The following GABRG3 variants were observed in gnomAD, a reference collection of about 807,000 sequenced individuals.
GABRG3 encodes gamma-aminobutyric acid receptor subunit gamma-3.
A neutral mutation model predicts 48.8 loss-of-function variants in GABRG3; 25 were observed. The ratio of observed to expected loss-of-function variants is 0.51; its 90% CI spans 0.37 to 0.72. GABRG3 has a LOEUF of 0.72. GABRG3 is among the 30% of genes least tolerant of loss of function. GABRG3 has a pLI of 0.00. For missense variants in GABRG3, 394 were observed against 577.9 expected (o/e 0.68, Z 3.26); for synonymous variants, 227 against 217.6 (o/e 1.04, Z -0.38).
intron 3 of GABRG3, among the ~76,000 whole-genome samples, chr15:27,167,365 G>A (rs1465219028): frequency 6.6e-6 from 1 of 152,176 alleles, no homozygotes; most frequent in Non-Finnish European, 1.5e-5. Flanking sequence ...GAGAAAGGCA[G>A]GGTGGACATT....
chr15:27,381,666 G>A (rs574243728), intron 5 of GABRG3, among the ~76,000 whole-genome samples: 47 of 152,296 alleles, frequency 3.1e-4, no homozygotes, highest in African/African-American at 1.1e-3. Flanking sequence ...GATCTAAGAC[G>A]AGTTTTTGAT....
Position 27,072,933 on chromosome 15 carries a change from C to A in GABRG3, c.270+46112C>A, listed in dbSNP as rs572072109. Among the ~76,000 whole-genome samples the A allele has an allele frequency of 1.0e-3, 152 of 152,320 alleles. 1 individual carries two copies. Among genetic ancestry groups the A allele is most frequent in the Admixed American group, 3.3e-3 (50 of 15,306 alleles). On this transcript the variant is annotated intron_variant, in intron 3 of 9. Transcript: ENST00000615808. ...TGCCACAGCCCACTGCTCTGGCCAG[C>A]AGATAGTCAGACTGACCCTATTTTC...
chr15:27,363,003 A>G (rs2140548201), intron 5 of GABRG3: 1 of 152,350 alleles, frequency 6.6e-6, no homozygotes, highest in East Asian at 1.9e-4. Flanking sequence ...AAATTATAGA[A>G]ATGTTTGCAA....
intron 5 of GABRG3, among the ~76,000 whole-genome samples, chr15:27,471,514 A>G (rs1240096276): frequency 6.6e-6 from 1 of 152,180 alleles, no homozygotes; most frequent in Admixed American, 6.5e-5. Context: ...GGCAAGGGCT[A>G]AAACTATAAA....
chr15:27,231,392 T>C (rs1889793332), intron 3 of GABRG3, among the ~76,000 whole-genome samples: 1 of 152,212 alleles, frequency 6.6e-6, no homozygotes, highest in Non-Finnish European at 1.5e-5. Flanking sequence ...AGGTTTTCTT[T>C]GCAGAACAAA....
intron 3 of GABRG3, among the ~76,000 whole-genome samples, chr15:27,234,014 G>A (rs1302448759): frequency 1.3e-5 from 2 of 152,158 alleles, no homozygotes; most frequent in Non-Finnish European, 2.9e-5. Context: ...ATCACCTATG[G>A]GAGAGGGAGC....
intron 5 of GABRG3, chr15:27,341,097 G>A: frequency 2.8e-6 from 1 of 361,814 alleles, no homozygotes; most frequent in Non-Finnish European, 5.5e-6. Context: ...ACTCTTCCGA[G>A]TATTTATTAT....
Position 27,508,432 on chromosome 15 carries a change from T to C in GABRG3, c.713-11540T>C, listed in dbSNP as rs189205500. On this transcript the variant is annotated intron_variant, in intron 6 of 9. Transcript: ENST00000615808. ...CCCTATTACTTTCTTCCATCTCTTG[T>C]ATAATTGCTATTATACATTTCATTT... is the stretch of plus-strand genomic sequence containing the variant. 5.9e-5 allele frequency among the ~76,000 whole-genome samples: 9 copies of C among 152,328 alleles called. No individual in the cohort carries two copies. In the East Asian group the frequency reaches 1.7e-3, roughly 29 times the overall value.
intron 3 of GABRG3, among the ~76,000 whole-genome samples, chr15:27,266,524 G>T (rs903147541): frequency 6.6e-6 from 1 of 152,120 alleles, no homozygotes; most frequent in Admixed American, 6.5e-5. Context: ...TGTTTTAGGT[G>T]CTTTGCATTC....
chr15:27,062,410 A>G (rs1367678615), intron 3 of GABRG3, among the ~76,000 whole-genome samples: 1 of 142,174 alleles, frequency 7.0e-6, no homozygotes, highest in Non-Finnish European at 1.5e-5. Context: ...CAGCCTGGCC[A>G]ACATGGTGAA....
chr15:27,141,789 A>G lies in GABRG3; in HGVS notation c.270+114968A>G, dbSNP rs544167794. Reference sequence around the variant, plus strand: ...TGAAGACCCGACTGAAAACCTAGCAATAGGACTACAGAGGAATTAGTCTGT... The same window carrying G: ...TGAAGACCCGACTGAAAACCTAGCAGTAGGACTACAGAGGAATTAGTCTGT... On this transcript the variant is annotated intron_variant, in intron 3 of 9. Transcript: ENST00000615808. Among the ~76,000 whole-genome samples, 59 of 152,326 alleles carry G rather than the reference A, an allele frequency of 3.9e-4. 1 individual carries two copies. In the South Asian group the frequency reaches 0.011, roughly 28 times the overall value.
At chr15:27,128,181 G>T (rs1897854124) in intron 3 of GABRG3, among the ~76,000 whole-genome samples, 1 of 152,204 alleles carries the variant, frequency 6.6e-6, no homozygotes, top group Non-Finnish European at 1.5e-5. Flanking sequence ...GGGCAACATA[G>T]TGAGACCCTG....
At chr15:27,093,500 G>A (rs1272353729) in intron 3 of GABRG3, among the ~76,000 whole-genome samples, 4 of 152,112 alleles carry the variant, frequency 2.6e-5, no homozygotes, top group African/African-American at 9.7e-5. Context: ...CGGGGACTCT[G>A]CTGTTCATAT....
Position 27,531,377 on chromosome 15 carries a change from C to T in GABRG3, c.1123-1223C>T, listed in dbSNP as rs181857297. On this transcript the variant is annotated intron_variant, in intron 9 of 9. Transcript: ENST00000615808. ...ATGAGCATGTCCAATCAAATTGAGG[C>T]CCAAAAGTAGGAGGGAAAGCAGTGC... 4.3e-3 allele frequency among the ~76,000 whole-genome samples: 659 copies of T among 152,330 alleles called. 4 individuals carry two copies. The highest frequency in any genetic ancestry group is 7.7e-3 in the Non-Finnish European group (524 of 68,028).
rs1894632282 is a variant in GABRG3 at position 27,352,026 on chromosome 15, A to T, written c.574+23138A>T. Among the ~76,000 whole-genome samples the T allele has an allele frequency of 7.4e-6, 1 of 134,576 alleles. No homozygotes were observed. Among genetic ancestry groups the T allele is most frequent in the African/African-American group, 2.8e-5 (1 of 35,164 alleles). 88.3% of individuals were successfully genotyped at this position (134,576 alleles called of 152,430 possible). ...TATATGATGTGTGGGTTTATGGTGTATGCGTGTATAGTGTGTGTGTGTATG... is the reference window on the plus strand; with the variant it reads ...TATATGATGTGTGGGTTTATGGTGTTTGCGTGTATAGTGTGTGTGTGTATG... On this transcript the variant is annotated intron_variant, in intron 5 of 9. Coordinates refer to ENST00000615808, the MANE Select transcript of GABRG3 (RefSeq NM_033223.5). The surrounding 1 kb of genome is among the most constrained non-coding windows in gnomAD (Gnocchi z 4.0).
intron 7 of GABRG3, among the ~76,000 whole-genome samples, chr15:27,525,387 G>C (rs3097493): frequency 0.63 from 95,049 of 151,998 alleles, 30,893 homozygotes; most frequent in African/African-American, 0.81. Flanking sequence ...CCTTCCTGAA[G>C]TCCTTTGTGC....
intron 3 of GABRG3, among the ~76,000 whole-genome samples, chr15:27,029,262 C>T (rs894306254): frequency 2.6e-5 from 4 of 151,828 alleles, no homozygotes; most frequent in Admixed American, 1.3e-4. Flanking sequence ...CTGGGGAAGC[C>T]GAATGCTAGC....
intron 5 of GABRG3, among the ~76,000 whole-genome samples, chr15:27,463,129 T>G (rs1485106102): frequency 6.6e-6 from 1 of 152,158 alleles, no homozygotes; most frequent in Non-Finnish European, 1.5e-5. Flanking sequence ...GATTCAAAAT[T>G]AATACATAAG....
chr15:27,349,549 C>T (rs2140534700), intron 5 of GABRG3, among the ~76,000 whole-genome samples: 1 of 152,332 alleles, frequency 6.6e-6, no homozygotes, highest in African/African-American at 2.4e-5. Flanking sequence ...GGCTTCCACT[C>T]TCAATGGGAC....
Sources: gnomAD v4.1 joint callset for allele counts (sites outside exome capture counted in the v4.1 genomes callset) on GRCh38, gnomAD v4.1.1 for gene constraint, Gnocchi (gnomAD v3.1) non-coding constraint, MANE v1.5 for transcripts, NCBI Gene and HGNC (gene_info 2026-07-23, HGNC 2026-07-21) for gene names.